Variants in ZNF407 observed in about 807,000 individuals in gnomAD.
ZNF407 encodes the protein zinc finger protein 407.
ZNF407 carries 17 observed loss-of-function variants against 131.2 expected under a neutral mutation model. The observed-to-expected ratio is 0.13, with a 90% confidence interval of 0.09 to 0.19. The LOEUF (loss-of-function observed/expected upper bound fraction) is 0.19, where lower values mean the gene tolerates loss of function less well. Ranked by LOEUF, ZNF407 falls within the 10% of genes least tolerant of loss-of-function variation. The pLI, the probability that ZNF407 is intolerant of heterozygous loss-of-function variation, is 1.00. For synonymous variants in ZNF407, 1,156 were observed against 1,062.0 expected (o/e 1.09, Z -1.72); for missense variants, 2,681 against 2,830.6 (o/e 0.95, Z 1.20).
At chr18:74,891,519 A>G (rs1971384677) in intron 7 of ZNF407, among the ~76,000 whole-genome samples, 1 of 152,228 alleles carries the variant, frequency 6.6e-6, no homozygotes, top group Non-Finnish European at 1.5e-5. Context: ...AAAGGTCATC[A>G]TATAGTACAG....
chr18:74,852,569 T>A (rs968722743), intron 4 of ZNF407, among the ~76,000 whole-genome samples: 3 of 152,158 alleles, frequency 2.0e-5, no homozygotes, highest in Non-Finnish European at 4.4e-5. Flanking sequence ...GCTCTGTAAT[T>A]TAGAGTATCT....
intron 4 of ZNF407, among the ~76,000 whole-genome samples, chr18:74,794,083 C>G (rs1396073919): frequency 4.6e-5 from 7 of 152,178 alleles, no homozygotes; most frequent in Admixed American, 4.6e-4. Flanking sequence ...AACTTTCTCT[C>G]CGAAGCCTCT....
At chr18:74,782,438 A>G (rs1016178484) in intron 4 of ZNF407, among the ~76,000 whole-genome samples, 1 of 152,094 alleles carries the variant, frequency 6.6e-6, no homozygotes, top group East Asian at 1.9e-4. Context: ...TGTCAGGCAT[A>G]TTGTTTTCTT....
At chr18:74,781,406 A>G in intron 3 of ZNF407, 22 bp from the exon 4 acceptor site, 1 of 1,496,460 alleles carries the variant, frequency 6.7e-7, no homozygotes, top group East Asian at 2.5e-5. Flanking sequence ...TAGTTTTATA[A>G]TTACTTTTGT....
At chr18:74,871,619 A>C (rs12963995) in intron 4 of ZNF407, among the ~76,000 whole-genome samples, 1 of 152,092 alleles carries the variant, frequency 6.6e-6, no homozygotes, top group Admixed American at 6.5e-5. Flanking sequence ...ACTTTGATAA[A>C]ATTTAGCTCA....
At chr18:74,696,569 A>C (rs997980950) in intron 3 of ZNF407, among the ~76,000 whole-genome samples, 2 of 152,196 alleles carry the variant, frequency 1.3e-5, no homozygotes, top group African/African-American at 4.8e-5. Flanking sequence ...GCCTCCACGG[A>C]ACTTTTCTTA....
At chr18:74,766,690 G>GTAC (rs896063992) in intron 3 of ZNF407, among the ~76,000 whole-genome samples, 1 of 152,140 alleles carries the variant, frequency 6.6e-6, no homozygotes, top group Non-Finnish European at 1.5e-5. Context: ...TACATGTTCA[G>GTAC]TACACAATCA....
At chr18:74,800,089 C>CAATT (rs1969994229) in intron 4 of ZNF407, among the ~76,000 whole-genome samples, 1 of 151,746 alleles carries the variant, frequency 6.6e-6, no homozygotes, top group East Asian at 1.9e-4. Flanking sequence ...AGTCCAAAGA[C>CAATT]AATTCTTTGT....
At chr18:74,661,183 T>C (rs1985698214) in intron 3 of ZNF407, among the ~76,000 whole-genome samples, 1 of 152,082 alleles carries the variant, frequency 6.6e-6, no homozygotes, top group Non-Finnish European at 1.5e-5. Context: ...TTAGGTTAAA[T>C]ACAGGCAGCA....
At chr18:74,996,131 A>C (rs557999860) in intron 8 of ZNF407, among the ~76,000 whole-genome samples, 1 of 152,318 alleles carries the variant, frequency 6.6e-6, no homozygotes, top group East Asian at 1.9e-4. Flanking sequence ...ATTTTATGTT[A>C]ATCAGCCCGC....
At chr18:74,767,226 A>G (rs1055212657) in intron 3 of ZNF407, among the ~76,000 whole-genome samples, 2 of 152,140 alleles carry the variant, frequency 1.3e-5, no homozygotes, top group African/African-American at 4.8e-5. Flanking sequence ...CTTCGTTATT[A>G]TTAAAAAGAT....
chr18:75,060,081 T>A (rs1444684552), intron 8 of ZNF407: 1 of 152,170 alleles, frequency 6.6e-6, no homozygotes, highest in Non-Finnish European at 1.5e-5. Flanking sequence ...ACAGCTTGAA[T>A]ACCTGTAACT....
intron 3 of ZNF407, among the ~76,000 whole-genome samples, chr18:74,713,022 G>A (rs977763112): frequency 2.0e-5 from 3 of 152,206 alleles, no homozygotes; most frequent in Admixed American, 6.5e-5. Flanking sequence ...GCAAGGGTTG[G>A]AACATAGAGG....
chr18:74,890,936 C>T (rs1971375858), intron 7 of ZNF407, among the ~76,000 whole-genome samples: 1 of 152,170 alleles, frequency 6.6e-6, no homozygotes, highest in Non-Finnish European at 1.5e-5. Flanking sequence ...CTGAAAGCAT[C>T]TTGGGAGGTC....
chr18:75,017,744 T>G (rs1973061824), intron 8 of ZNF407, among the ~76,000 whole-genome samples: 1 of 152,148 alleles, frequency 6.6e-6, no homozygotes, highest in Non-Finnish European at 1.5e-5. Context: ...CCTCTTATAA[T>G]GGTAGCCTCC....
chr18:75,064,353 G>A lies in ZNF407; in HGVS notation c.6632G>A (p.Gly2211Glu), dbSNP rs1336405373. The change falls in exon 9 of 9, where the codon GGG (glycine) becomes GAG (glutamate). Residue 2211 changes from glycine to glutamate, a missense_variant. Around this residue, in one of 6 missense-constraint regions of ZNF407, gnomAD observed 620 missense variants for 583.1 expected, o/e 1.06. Coordinates refer to ENST00000299687, the MANE Select transcript of ZNF407 (RefSeq NM_017757.3). ...GGGGCCACGCTAGGCACAGAGGCCG[G>A]GGCCCCAAGCAGGGCAGAGCAGCTG... ...QAGATLGTEAGAPSRAEQLAS... is the reference protein window; with the variant it reads ...QAGATLGTEAEAPSRAEQLAS... 1.3e-6 allele frequency: 2 copies of A among 1,587,600 alleles called. No homozygotes were observed. Among genetic ancestry groups the A allele is most frequent in the African/African-American group, 1.3e-5 (1 of 74,500 alleles).
chr18:74,862,220 A>G (rs891040349), intron 4 of ZNF407, among the ~76,000 whole-genome samples: 4 of 152,232 alleles, frequency 2.6e-5, no homozygotes, highest in Non-Finnish European at 5.9e-5. Context: ...CAGTGAGGAA[A>G]CCTAGGTCCT....
At chr18:74,709,381 T>C (rs1191663755) in intron 3 of ZNF407, among the ~76,000 whole-genome samples, 1 of 152,220 alleles carries the variant, frequency 6.6e-6, no homozygotes, top group East Asian at 1.9e-4. Context: ...TTTGTAAAGG[T>C]ACAGCCACCA....
At chr18:74,717,462 CTG>C (rs1262740181) in intron 3 of ZNF407, among the ~76,000 whole-genome samples, 1 of 152,174 alleles carries the variant, frequency 6.6e-6, no homozygotes, top group Non-Finnish European at 1.5e-5. Flanking sequence ...CACATGATAA[CTG>C]TTGCTGCCTT....
Sources: gnomAD v4.1 joint callset for allele counts (sites outside exome capture counted in the v4.1 genomes callset) on GRCh38, gnomAD v4.1.1 for gene constraint, gnomAD v4.1.1 regional missense constraint, MANE v1.5 for transcripts, NCBI Gene and HGNC (gene_info 2026-07-23, HGNC 2026-07-21) for gene names.